KIAA1217: variants seen among roughly 807,000 people sequenced by gnomAD.
KIAA1217 encodes sickle tail protein homolog.
KIAA1217 carries 88 observed loss-of-function variants against 163.9 expected under a neutral mutation model. The observed-to-expected ratio is 0.54, with a 90% CI of 0.45 to 0.64. The LOEUF (loss-of-function observed/expected upper bound fraction) is 0.64, where lower values mean the gene tolerates loss of function less well. KIAA1217 is among the 30% of genes least tolerant of loss of function. The pLI is 0.00. For synonymous variants in KIAA1217, 903 were observed against 923.1 expected (o/e 0.98, Z 0.39); for missense variants, 2,372 against 2,475.0 (o/e 0.96, Z 0.88).
intron 2 of KIAA1217, among the ~76,000 whole-genome samples, chr10:24,040,177 T>C (rs1011310898): frequency 6.6e-6 from 1 of 152,198 alleles, no homozygotes; most frequent in African/African-American, 2.4e-5. Context: ...AGTCATGTGA[T>C]TTGTATCCGC....
intron 1 of KIAA1217, among the ~76,000 whole-genome samples, chr10:23,868,143 C>G (rs891928810): frequency 6.6e-6 from 1 of 152,088 alleles, no homozygotes; most frequent in African/African-American, 2.4e-5. Flanking sequence ...TCTCAGGACA[C>G]ATTTCTACAT....
chr10:24,259,666 C>G (rs1204530032), intron 2 of KIAA1217, among the ~76,000 whole-genome samples: 1 of 152,164 alleles, frequency 6.6e-6, no homozygotes, highest in African/African-American at 2.4e-5. Context: ...TCAGGGGTCC[C>G]TTCTGGAAAG....
At chr10:23,784,172 T>C (rs1451136569) in intron 1 of KIAA1217, among the ~76,000 whole-genome samples, 2 of 152,146 alleles carry the variant, frequency 1.3e-5, no homozygotes. Flanking sequence ...ATTGACCCCT[T>C]TATCATTTAA....
chr10:24,329,773 G>A (rs188849625), intron 2 of KIAA1217, among the ~76,000 whole-genome samples: 39 of 152,170 alleles, frequency 2.6e-4, no homozygotes, highest in Admixed American at 5.9e-4. Flanking sequence ...TTGGTTCTTC[G>A]TAGACTGCCA....
chr10:24,203,456 CA>C (rs1342161918), intron 2 of KIAA1217, among the ~76,000 whole-genome samples: 2 of 152,064 alleles, frequency 1.3e-5, no homozygotes, highest in Non-Finnish European at 2.9e-5. Context: ...TGTTCAGCAG[CA>C]AAGTTGGGGG....
intron 1 of KIAA1217, among the ~76,000 whole-genome samples, chr10:23,976,288 C>T (rs1401673692): frequency 1.3e-5 from 2 of 152,220 alleles, no homozygotes; most frequent in Non-Finnish European, 1.5e-5. Context: ...TCATTCCAGA[C>T]TGCCCTTCTT....
chr10:24,500,031 G>C (rs189741788), intron 8 of KIAA1217, among the ~76,000 whole-genome samples: 1 of 152,158 alleles, frequency 6.6e-6, no homozygotes, highest in Non-Finnish European at 1.5e-5. Context: ...GTGCTGGAGC[G>C]GGAAAGGTTC....
At chr10:24,544,734 C>T (rs1289992910) in intron 19 of KIAA1217, among the ~76,000 whole-genome samples, 1 of 152,172 alleles carries the variant, frequency 6.6e-6, no homozygotes, top group Non-Finnish European at 1.5e-5. Context: ...CACGAGGCTG[C>T]TGGGTCAGCC....
intron 1 of KIAA1217, among the ~76,000 whole-genome samples, chr10:23,719,916 C>T (rs1381918097): frequency 2.0e-5 from 3 of 151,776 alleles, no homozygotes; most frequent in Non-Finnish European, 2.9e-5. Context: ...CCGCCTCAAA[C>T]AAACAAAAAG....
In KIAA1217 at chr10:24,277,675, G is replaced by T. The variant is rs181690219; in HGVS notation, c.354+57766G>T. On this transcript the variant is annotated intron_variant, in intron 2 of 20. Coordinates refer to ENST00000376454, the MANE Select transcript of KIAA1217 (RefSeq NM_019590.5). The stretch of plus-strand genomic sequence containing the variant: ...GGCACTCATTCTTCTCCTTGCTGCT[G>T]CCATGTGAAGAAGGACGTGTTTGCT... Among the ~76,000 whole-genome samples, 11 of 152,298 alleles carry T rather than the reference G, an allele frequency of 7.2e-5. 1 individual carries two copies. In the East Asian group the frequency reaches 1.5e-3, roughly 21 times the overall value.
intron 1 of KIAA1217, among the ~76,000 whole-genome samples, chr10:23,954,782 A>T (rs763359734): frequency 2.0e-4 from 30 of 152,198 alleles, no homozygotes; most frequent in Admixed American, 3.9e-4. Context: ...CAGTTTGCAG[A>T]TAAGAAAACT....
At chr10:23,803,129 A>G (rs1335302156) in intron 1 of KIAA1217, among the ~76,000 whole-genome samples, 1 of 152,220 alleles carries the variant, frequency 6.6e-6, no homozygotes, top group Admixed American at 6.5e-5. Flanking sequence ...AAGCTGGACT[A>G]CAGTTGACTC....
rs887555609 is a variant in KIAA1217, at chr10:23,695,394, C to T, written c.-321+160C>T. The stretch of plus-strand genomic sequence containing the variant: ...TTTCGAGAGAGGGCAAGGACCCCCC[C>T]AGGAGGGCCAGGCCGGGAGGGGTCC... On this transcript the variant is annotated intron_variant, in intron 1 of 18. Transcript: ENST00000376462. The surrounding 1 kb of genome is among the most constrained non-coding windows in gnomAD (Gnocchi z 4.9). Among the ~76,000 whole-genome samples the T allele has an allele frequency of 6.6e-6, 1 of 152,148 alleles. No individual in the cohort carries two copies. Among genetic ancestry groups the T allele is most frequent in the Non-Finnish European group, 1.5e-5 (1 of 68,012 alleles).
In KIAA1217 at chr10:24,176,719, G is replaced by A. The variant is rs372273583; in HGVS notation, c.-170-42907G>A. On this transcript the variant is annotated intron_variant, in intron 2 of 18. Coordinates refer to the KIAA1217 transcript ENST00000376462. ...CAGAGCTGCCTGCCAGTACTGTGCC[G>A]TGCACCCACACTCCTTGGCCTTTGG... Among the ~76,000 whole-genome samples, 97 of 152,348 alleles carry A rather than the reference G, an allele frequency of 6.4e-4. 1 individual carries two copies. Among genetic ancestry groups the A allele is most frequent in the Admixed American group, 4.6e-3 (70 of 15,306 alleles).
chr10:23,999,668 C>G lies in KIAA1217; in HGVS notation c.-320-7557C>G, dbSNP rs181682660. Among the ~76,000 whole-genome samples the G allele has an allele frequency of 1.6e-3, 245 of 152,122 alleles. 1 individual carries two copies. Among genetic ancestry groups the G allele is most frequent in the African/African-American group, 5.6e-3 (233 of 41,478 alleles). On this transcript the variant is annotated intron_variant, in intron 1 of 18. Coordinates refer to the KIAA1217 transcript ENST00000376462. ...CATGGCAGAGAATTTCCCAATAATGCGAAGGAGTTTTGAATGGTGGACTCT... is the reference window on the plus strand; with the variant it reads ...CATGGCAGAGAATTTCCCAATAATGGGAAGGAGTTTTGAATGGTGGACTCT...
chr10:24,484,893 C>T (rs1782744161), intron 6 of KIAA1217, among the ~76,000 whole-genome samples: 1 of 152,070 alleles, frequency 6.6e-6, no homozygotes, highest in Admixed American at 6.6e-5. Context: ...TGACTTGGGG[C>T]TGTTTCCTGG....
chr10:24,141,995 CA>C (rs1326528563), intron 2 of KIAA1217, among the ~76,000 whole-genome samples: 1 of 151,946 alleles, frequency 6.6e-6, no homozygotes, highest in Non-Finnish European at 1.5e-5. Flanking sequence ...GCAGCCCAAA[CA>C]GGTAAAGACA....
intron 1 of KIAA1217, among the ~76,000 whole-genome samples, chr10:23,925,803 C>T (rs1472980338): frequency 6.6e-6 from 1 of 152,124 alleles, no homozygotes; most frequent in Non-Finnish European, 1.5e-5. Flanking sequence ...TGAATTCCTA[C>T]AAGCTTAGGG....
At chr10:24,449,202 C>T (rs2061200214) in intron 5 of KIAA1217, among the ~76,000 whole-genome samples, 1 of 152,136 alleles carries the variant, frequency 6.6e-6, no homozygotes, top group Non-Finnish European at 1.5e-5. Flanking sequence ...TCTCTGCTTC[C>T]AGTTATAAAG....
Sources: allele counts gnomAD v4.1 joint callset (sites outside exome capture counted in the v4.1 genomes callset), GRCh38; gene constraint gnomAD v4.1.1; non-coding constraint Gnocchi (gnomAD v3.1); transcripts MANE v1.5; gene names NCBI Gene and HGNC (gene_info 2026-07-23, HGNC 2026-07-21).